The following MYO15A variants were observed in gnomAD, a reference collection of about 807,000 sequenced individuals.
MYO15A encodes the protein unconventional myosin-XV.
Under a neutral mutation model 394.6 loss-of-function variants are expected in MYO15A, and 308 were observed. That is an observed-to-expected ratio of 0.78 (90% CI 0.71 to 0.86). The LOEUF (loss-of-function observed/expected upper bound fraction) is 0.86. Ranked by LOEUF, MYO15A falls within the 40% of genes least tolerant of loss-of-function variation. MYO15A has a pLI of 0.00. For missense variants in MYO15A, 4,606 were observed against 4,799.1 expected, an observed-to-expected ratio of 0.96 and a Z score of 1.19; for synonymous variants, 1,957 against 2,003.8, an observed-to-expected ratio of 0.98 and a Z score of 0.62.
At position 18,139,515 on chromosome 17, in the gene MYO15A, C is replaced by T. The variant is rs2046340480; in HGVS notation, c.5134-19C>T. 2 of 1,612,610 alleles carry T rather than the reference C, an allele frequency of 1.2e-6. No homozygotes were observed. The highest frequency in any genetic ancestry group is 1.7e-6 in the Non-Finnish European group (2 of 1,179,292). On this transcript the variant is annotated intron_variant, in intron 18 of 65. Transcript: ENST00000647165. ...GAGACAGAGGCCAGGATTACCCAGG[C>T]CATTGTTCCCCTTTTCAGGTGCACA...
rs754749780 is a variant in MYO15A, at chr17:18,150,545, T to G, written c.7327+2T>G. 1.2e-6 allele frequency: 2 copies of G among 1,614,058 alleles called. No individual in the cohort carries two copies. The highest frequency in any genetic ancestry group is 1.7e-6 in the Non-Finnish European group (2 of 1,179,968). On this transcript the variant is annotated splice_donor_variant, in intron 36 of 65. Coordinates refer to ENST00000647165, the MANE Select transcript of MYO15A (RefSeq NM_016239.4). LOFTEE classifies it high-confidence loss of function. The surrounding 1 kb of genome is among the most constrained non-coding windows in gnomAD (Gnocchi z 4.4). ...GGAGACCCCCAGAGCCAAAGCCAAG[T>G]CAGTGCCTCCCCAGGGTGGTTCCAG...
Position 18,155,236 on chromosome 17 carries a change from C to T in MYO15A, c.8340+11C>T. Reference sequence around the variant, plus strand: ...ATCTTCCCCGCCACGGTGCGAGCCCCTCACTTGCCCCCTACCTGTCCAGAG... The same window carrying T: ...ATCTTCCCCGCCACGGTGCGAGCCCTTCACTTGCCCCCTACCTGTCCAGAG... On this transcript the variant is annotated intron_variant, in intron 46 of 65. Coordinates refer to ENST00000647165, the MANE Select transcript of MYO15A (RefSeq NM_016239.4). The T allele has an allele frequency of 1.9e-6, 3 of 1,613,946 alleles. No individual in the cohort carries two copies. Among genetic ancestry groups the T allele is most frequent in the Non-Finnish European group, 2.5e-6 (3 of 1,179,952 alleles).
At chr17:18,166,217 T>C in intron 60 of MYO15A, 144 bp from the exon 61 acceptor site, 1 of 942,394 alleles carries the variant, frequency 1.1e-6, no homozygotes. Flanking sequence ...ATGAGGAAGC[T>C]GTGTCCCAGA....
rs767040534 is a variant in MYO15A, at chr17:18,155,446, G to T, written c.8459+14G>T. 5.4e-5 allele frequency: 86 copies of T among 1,605,194 alleles called. No individual in the cohort carries two copies. Among genetic ancestry groups the T allele is most frequent in the Non-Finnish European group, 3.2e-5 (37 of 1,173,696 alleles). On this transcript the variant is annotated intron_variant, in intron 47 of 65. Coordinates refer to ENST00000647165, the MANE Select transcript of MYO15A (RefSeq NM_016239.4). ...GCGTGCATACAGGTGACCAGCAGGG[G>T]TGAAGTGGGGCTGGCTGGAGACTGG...
At chr17:18,135,533 G>A (rs935312121) in intron 12 of MYO15A, among the ~76,000 whole-genome samples, 178 bp from the exon 13 acceptor site, 1 of 151,932 alleles carries the variant, frequency 6.6e-6, no homozygotes, top group East Asian at 1.9e-4. Context: ...TAGAGACGGG[G>A]TTTCTCCATG....
At chr17:18,125,899 C>A (rs2046029450) in intron 4 of MYO15A, among the ~76,000 whole-genome samples, 1 of 151,962 alleles carries the variant, frequency 6.6e-6, no homozygotes, top group African/African-American at 2.4e-5. Flanking sequence ...AGCCTCTGAC[C>A]TGAGAATGAC....
At position 18,133,291 on chromosome 17, in the gene MYO15A, G is replaced by A. The variant is rs1415243950; in HGVS notation, c.4387G>A (p.Glu1463Lys). 2.5e-6 allele frequency: 4 copies of A among 1,614,056 alleles called. No individual in the cohort carries two copies. Among genetic ancestry groups the A allele is most frequent in the Non-Finnish European group, 2.5e-6 (3 of 1,180,036 alleles). ...DDFRRLLAAMEVLGFSSEDQD... is the reference protein window; with the variant it reads ...DDFRRLLAAMKVLGFSSEDQD... ...CTTTCGCCGGCTCCTGGCTGCCATG[G>A]AGGTGTTGGGCTTCAGCAGTGAGGA... Residue 1463 changes from glutamate to lysine, a missense_variant, in exon 12 of 66, where the codon GAG (glutamate) becomes AAG (lysine). Physicochemically the swap from Glu to Lys is moderately conservative, Grantham distance 56. Around this residue, in one of 2 missense-constraint regions of MYO15A, gnomAD observed 2,776 missense variants for 3,109.3 expected, o/e 0.89. Coordinates refer to ENST00000647165, the MANE Select transcript of MYO15A (RefSeq NM_016239.4).
rs1430049664 is a variant in MYO15A at position 18,138,843 on chromosome 17, C to T, written c.5040C>T (p.His1680=). The stretch of plus-strand genomic sequence containing the variant: ...ACCACACCTTCCTACAGAAGTGCCA[C>T]TACCATCATGGCGCCAACCCGCTCT... ...ATDHTFLQKC[H]YHHGANPLYS... is the part of the protein sequence containing the mutation. Residue 1680 remains histidine (H), a synonymous_variant, in exon 18 of 66, where the codon CAC becomes CAT. Coordinates refer to ENST00000647165, the MANE Select transcript of MYO15A (RefSeq NM_016239.4). The T allele has an allele frequency of 1.2e-6, 2 of 1,613,958 alleles. No homozygotes were observed. The highest frequency in any genetic ancestry group is 1.7e-6 in the Non-Finnish European group (2 of 1,179,958).
intron 2 of MYO15A, chr17:18,123,624 C>A (rs934141511): frequency 6.6e-6 from 1 of 152,442 alleles, no homozygotes; most frequent in African/African-American, 2.4e-5. Flanking sequence ...GTGGATCCTG[C>A]GCAGGCCTGC....
At position 18,136,766 on chromosome 17, in the gene MYO15A, C is replaced by G; in HGVS notation, c.4779+80C>G. On this transcript the variant is annotated intron_variant, in intron 15 of 65. Coordinates refer to ENST00000647165, the MANE Select transcript of MYO15A (RefSeq NM_016239.4). ...CTCAGGCGTCTCGGGCTGCCCTTCC[C>G]ATCCCTTTCTGTGCCTGCAGCAGGT... The G allele has an allele frequency of 1.3e-6, 2 of 1,517,762 alleles. 1 individual carries two copies. Among genetic ancestry groups the G allele is most frequent in the African/African-American group, 2.7e-5 (2 of 72,920 alleles). The allele number at this position is 1,517,762 out of a possible 1,614,324, so 94.0% of individuals were successfully genotyped here. A position where few individuals can be genotyped will look rare whatever the true frequency, so the allele number is the denominator to read the frequency against.
chr17:18,168,162 TTTAA>T (rs1212924282), intron 62 of MYO15A, among the ~76,000 whole-genome samples: 2 of 152,210 alleles, frequency 1.3e-5, no homozygotes, highest in Admixed American at 6.5e-5. Flanking sequence ...TACTTATGTA[TTTAA>T]TTAATTATTG....
At chr17:18,164,391 C>A in intron 60 of MYO15A, 1 of 189,268 alleles carries the variant, frequency 5.3e-6, no homozygotes, top group South Asian at 1.0e-4. Flanking sequence ...CAGCAACCCC[C>A]AGCCAGCTCT....
At position 18,179,745 on chromosome 17, in the gene MYO15A, T is replaced by C. The variant is rs1255321708; in HGVS notation, c.*875T>C. 6.6e-6 allele frequency: 1 copy of C among 152,068 alleles called. No homozygotes were observed. Among genetic ancestry groups the C allele is most frequent in the Non-Finnish European group, 1.5e-5 (1 of 68,014 alleles). 9.4% of individuals were successfully genotyped at this position (152,068 alleles called of 1,614,324 possible). On this transcript the variant is annotated 3_prime_UTR_variant, in exon 66 of 66. Transcript: ENST00000647165. ...ACCTAGGAGGATGCCTAACAGAGAG[T>C]AAGCACTTAAAAAATATTTGTCATA...
chr17:18,163,491 G>GA (rs1386121758), intron 59 of MYO15A, among the ~76,000 whole-genome samples, 170 bp downstream of exon 59: 1 of 152,238 alleles, frequency 6.6e-6, no homozygotes, highest in African/African-American at 2.4e-5. Flanking sequence ...CTGCACCTCA[G>GA]AGAGGTTAAG....
Position 18,157,903 on chromosome 17 carries a change from G to C in MYO15A, c.8967+3G>C. ...AGGAGGTGGGCCGCAGGAGAGAGGT[G>C]AGACCAGTGTGGGTGGGGTGGGGCG... On this transcript the variant is annotated splice_donor_region_variant and intron_variant, in intron 51 of 65. Coordinates refer to ENST00000647165, the MANE Select transcript of MYO15A (RefSeq NM_016239.4). 1 of 907,266 alleles carries C rather than the reference G, an allele frequency of 1.1e-6. No homozygotes were observed. Among genetic ancestry groups the C allele is most frequent in the Non-Finnish European group, 1.5e-6 (1 of 671,340 alleles). 56.2% of individuals were successfully genotyped at this position (907,266 alleles called of 1,614,324 possible). A position where few individuals can be genotyped will look rare whatever the true frequency, so the allele number is the denominator to read the frequency against.
intron 60 of MYO15A, among the ~76,000 whole-genome samples, chr17:18,165,359 T>C (rs1207071037): frequency 6.6e-6 from 1 of 152,252 alleles, no homozygotes; most frequent in Non-Finnish European, 1.5e-5. Flanking sequence ...CTGGAAGCTC[T>C]AGGGAATAAT....
At position 18,173,912 on chromosome 17, in the gene MYO15A, G is replaced by A. The variant is rs2142436862; in HGVS notation, c.10482G>A (p.Gln3494=). 1 of 1,613,310 alleles carries A rather than the reference G, an allele frequency of 6.2e-7. No individual in the cohort carries two copies. The change falls in exon 65 of 66, where the codon CAG becomes CAA. Residue 3494 remains glutamine (Q), a synonymous_variant. Transcript: ENST00000647165. ...DVAAQRTLQL[Q]LEQGLELCRV... ...CGGCCCAGCGCACCTTGCAGCTGCA[G>A]CTGGAGCAGGTGGGCCCAGCGCTAA...
In MYO15A at chr17:18,157,758, G is replaced by T; in HGVS notation, c.8825G>T (p.Arg2942Leu). Residue 2942 changes from arginine to leucine, a missense_variant, in exon 51 of 66, where the codon CGC (arginine) becomes CTC (leucine). Coordinates refer to ENST00000647165, the MANE Select transcript of MYO15A (RefSeq NM_016239.4). ...GGGACCATCCACGGGCGCGTGGGCC[G>T]CTTCCCTTCGGAGCTGGTGCAGCCC... The part of the protein sequence containing the change: ...RFGTIHGRVG[R>L]FPSELVQPAA... 1.9e-6 allele frequency: 3 copies of T among 1,606,036 alleles called. No individual in the cohort carries two copies. Among genetic ancestry groups the T allele is most frequent in the Non-Finnish European group, 2.5e-6 (3 of 1,179,852 alleles).
intron 1 of MYO15A, among the ~76,000 whole-genome samples, chr17:18,116,809 A>G (rs2045793144): frequency 6.6e-6 from 1 of 152,122 alleles, no homozygotes; most frequent in Non-Finnish European, 1.5e-5. Flanking sequence ...AATCCAAGAT[A>G]TTTGGGAGAC....
Sources: gnomAD v4.1 joint callset for allele counts (sites outside exome capture counted in the v4.1 genomes callset) on GRCh38, gnomAD v4.1.1 for gene constraint, gnomAD v4.1.1 regional missense constraint, Gnocchi (gnomAD v3.1) non-coding constraint, MANE v1.5 for transcripts, NCBI Gene and HGNC (gene_info 2026-07-23, HGNC 2026-07-21) for gene names.